The following IPO11 variants were observed in gnomAD, a reference collection of about 807,000 sequenced individuals.
The protein encoded by IPO11 is importin-11.
Under a neutral mutation model 143.2 loss-of-function variants are expected in IPO11, and 66 were observed. The observed-to-expected ratio is 0.46, with a 90% CI of 0.38 to 0.57. IPO11 has a LOEUF of 0.57. IPO11 is among the 20% of genes least tolerant of loss of function. The pLI is 0.00. For missense variants in IPO11, 1,026 were observed against 1,141.0 expected (o/e 0.90, Z 1.45); for synonymous variants, 385 against 377.8 (o/e 1.02, Z -0.22).
chr5:62,470,406 T>C (rs1745723617), intron 7 of IPO11, 98 bp downstream of exon 7: 1 of 1,073,528 alleles, frequency 9.3e-7, no homozygotes, highest in Non-Finnish European at 1.4e-6. Flanking sequence ...ATTAGAAGAG[T>C]TTTTATTAAG....
chr5:62,606,330 T>A (rs1004162626), intron 29 of IPO11, among the ~76,000 whole-genome samples: 13 of 147,292 alleles, frequency 8.8e-5, no homozygotes, highest in Non-Finnish European at 1.8e-4. Context: ...AAAAAAAAAA[T>A]TTAGCTGGGC....
chr5:62,536,671 G>T (rs199992626), intron 22 of IPO11, 31 bp from the exon 23 acceptor site: 70 of 1,565,532 alleles, frequency 4.5e-5, no homozygotes, highest in South Asian at 3.4e-4. Flanking sequence ...AATTAATTTG[G>T]TTTTTTGTTT....
intron 1 of IPO11, among the ~76,000 whole-genome samples, chr5:62,424,573 A>G (rs887443155): frequency 6.8e-6 from 1 of 147,364 alleles, no homozygotes; most frequent in African/African-American, 2.5e-5. Flanking sequence ...ATGCCACCAC[A>G]CCTGGCTAAG....
In IPO11 at chr5:62,429,199, T is replaced by G. The variant is rs559199895; in HGVS notation, c.-6-8075T>G. Among the ~76,000 whole-genome samples, 39 of 152,296 alleles carry G rather than the reference T, an allele frequency of 2.6e-4. No homozygotes were observed. In the South Asian group the frequency reaches 8.1e-3, roughly 32 times the overall value. ...CCAATTCCCCAGCCTAGGGAACCAC[T>G]TAATCTACTTCTTTGTGTTATAAAT... On this transcript the variant is annotated intron_variant, in intron 1 of 29. Coordinates refer to ENST00000325324, the MANE Select transcript of IPO11 (RefSeq NM_016338.5).
In IPO11 at chr5:62,578,067, G is replaced by C. The variant is rs528939067; in HGVS notation, c.2583-13510G>C. On this transcript the variant is annotated intron_variant, in intron 27 of 29. Coordinates refer to ENST00000325324, the MANE Select transcript of IPO11 (RefSeq NM_016338.5). ...GTTCTAAAAGATTCAAACTGATACA[G>C]ATATATATAGGGCGAAACATCGCCT... Among the ~76,000 whole-genome samples, 7 of 152,104 alleles carry C rather than the reference G, an allele frequency of 4.6e-5. No individual in the cohort carries two copies. The East Asian group carries it at 9.6e-4, about 21-fold the overall frequency.
At chr5:62,551,058 T>A (rs535358138) in intron 25 of IPO11, among the ~76,000 whole-genome samples, 165 bp from the exon 26 acceptor site, 6 of 151,568 alleles carry the variant, frequency 4.0e-5, no homozygotes, top group Non-Finnish European at 7.4e-5. Flanking sequence ...AATTCATATA[T>A]GTATTTAGTA....
At chr5:62,572,545 G>GTTTGTTTA (rs375958074) in intron 27 of IPO11, among the ~76,000 whole-genome samples, 1,581 of 85,988 alleles carry the variant, frequency 0.018, 8 homozygotes, top group Middle Eastern at 0.027. Flanking sequence ...ATATTTGTTT[G>GTTTGTTTA]TTTATTTATT....
At chr5:62,533,120 C>T (rs753548151) in intron 22 of IPO11, among the ~76,000 whole-genome samples, 1 of 151,848 alleles carries the variant, frequency 6.6e-6, no homozygotes, top group Non-Finnish European at 1.5e-5. Flanking sequence ...TACATTTGTT[C>T]ATGTTTATTT....
intron 27 of IPO11, chr5:62,575,845 C>T (rs1330152369): frequency 6.6e-6 from 1 of 152,030 alleles, no homozygotes; most frequent in African/African-American, 2.4e-5. Context: ...AGATATACTG[C>T]CCCTCATTAA....
chr5:62,437,914 T>C (rs985216889), intron 2 of IPO11, among the ~76,000 whole-genome samples: 1 of 152,252 alleles, frequency 6.6e-6, no homozygotes, highest in Admixed American at 6.5e-5. Context: ...TAACAATATG[T>C]GCTTTAAATT....
At chr5:62,624,272 G>GATCT (rs1746478365) in intron 29 of IPO11, among the ~76,000 whole-genome samples, 1 of 151,846 alleles carries the variant, frequency 6.6e-6, no homozygotes, top group Non-Finnish European at 1.5e-5. Context: ...GACCTCAGGT[G>GATCT]ATCTGCCCAC....
At chr5:62,415,171 C>T (rs1295868860) in intron 1 of IPO11, among the ~76,000 whole-genome samples, 1 of 152,120 alleles carries the variant, frequency 6.6e-6, no homozygotes, top group Non-Finnish European at 1.5e-5. Context: ...CACCTTTCCT[C>T]TTTATTTTTT....
intron 27 of IPO11, among the ~76,000 whole-genome samples, chr5:62,587,345 T>A (rs1744834675): frequency 6.6e-6 from 1 of 152,188 alleles, no homozygotes; most frequent in South Asian, 2.1e-4. Context: ...TTCTTGCCAG[T>A]ATTTTTCAGG....
chr5:62,596,190 G>A (rs1745208158), intron 28 of IPO11, among the ~76,000 whole-genome samples: 1 of 144,462 alleles, frequency 6.9e-6, no homozygotes, highest in Non-Finnish European at 1.5e-5. Flanking sequence ...GATTGCTTGA[G>A]CCTGAGACAT....
In IPO11 at chr5:62,599,929, T is replaced by C. The variant is rs182719910; in HGVS notation, c.2679-1835T>C. Among the ~76,000 whole-genome samples, 6 of 152,350 alleles carry C rather than the reference T, an allele frequency of 3.9e-5. No individual in the cohort carries two copies. The East Asian group carries it at 1.2e-3, about 29-fold the overall frequency. ...AATTTTCCTGCAGGACAGTTTTAGC[T>C]TTGGGCTTTTCAGTATTCTGTTATT... On this transcript the variant is annotated intron_variant, in intron 28 of 29. Coordinates refer to ENST00000325324, the MANE Select transcript of IPO11 (RefSeq NM_016338.5).
At chr5:62,531,041 A>G (rs528403504) in intron 22 of IPO11, among the ~76,000 whole-genome samples, 66 of 152,286 alleles carry the variant, frequency 4.3e-4, no homozygotes, top group African/African-American at 1.5e-3. Flanking sequence ...TCTGCCCTCT[A>G]GTAGTCTGCA....
chr5:62,484,350 A>T (rs1451221441), intron 11 of IPO11, among the ~76,000 whole-genome samples, 188 bp downstream of exon 11: 1 of 152,172 alleles, frequency 6.6e-6, no homozygotes, highest in Non-Finnish European at 1.5e-5. Context: ...TGAATGACTT[A>T]TGCAAATATG....
At chr5:62,601,608 T>A (rs1468163592) in intron 28 of IPO11, among the ~76,000 whole-genome samples, 156 bp from the exon 29 acceptor site, 1 of 152,106 alleles carries the variant, frequency 6.6e-6, no homozygotes, top group African/African-American at 2.4e-5. Flanking sequence ...TTCAAAAATT[T>A]TGTTAAATTT....
intron 5 of IPO11, among the ~76,000 whole-genome samples, chr5:62,458,704 C>T (rs1049575237): frequency 2.0e-5 from 3 of 152,098 alleles, no homozygotes; most frequent in Non-Finnish European, 4.4e-5. Flanking sequence ...TGTGTCTAGG[C>T]TTATATTAGT....
Sources: gnomAD v4.1 joint callset for allele counts (sites outside exome capture counted in the v4.1 genomes callset) on GRCh38, gnomAD v4.1.1 for gene constraint, MANE v1.5 for transcripts, NCBI Gene and HGNC (gene_info 2026-07-23, HGNC 2026-07-21) for gene names.